Variants in NCAPH2 observed in about 807,000 individuals in gnomAD.
NCAPH2 encodes condensin-2 complex subunit H2.
In NCAPH2, 56 loss-of-function variants were observed where a neutral mutation model predicts 88.6. The observed-to-expected ratio is 0.63, with a 90% CI of 0.51 to 0.79. The LOEUF (loss-of-function observed/expected upper bound fraction) is 0.79, where lower values mean the gene tolerates loss of function less well. NCAPH2 is among the 30% of genes least tolerant of loss of function. The pLI, the probability that NCAPH2 is intolerant of heterozygous loss-of-function variation, is 0.00. For synonymous variants in NCAPH2, 378 were observed against 313.6 expected, an observed-to-expected ratio of 1.21 and a Z score of -2.17; for missense variants, 794 against 792.0, an observed-to-expected ratio of 1.00 and a Z score of -0.03.
At chr22:50,512,061 C>T (rs1347036615) in intron 1 of NCAPH2, among the ~76,000 whole-genome samples, 2 of 152,204 alleles carry the variant, frequency 1.3e-5, no homozygotes, top group African/African-American at 2.4e-5. Flanking sequence ...GCTGGGATTG[C>T]AGGTGTGAGC....
At chr22:50,516,719 A>C (rs1033444685) in intron 2 of NCAPH2, among the ~76,000 whole-genome samples, 171 bp downstream of exon 2, 5 of 152,170 alleles carry the variant, frequency 3.3e-5, no homozygotes, top group Non-Finnish European at 5.9e-5. Flanking sequence ...TTTTTAATTT[A>C]AAATCGCACA....
At chr22:50,516,852 T>C (rs2068938570) in intron 2 of NCAPH2, among the ~76,000 whole-genome samples, 1 of 152,210 alleles carries the variant, frequency 6.6e-6, no homozygotes, top group South Asian at 2.1e-4. Flanking sequence ...CCCCGTCCCC[T>C]ACTTGTGGGT....
Position 50,522,347 on chromosome 22 carries a change from C to T in NCAPH2, c.1238C>T (p.Ala413Val). The change falls in exon 15 of 20, where the codon GCT becomes GTT. Residue 413 changes from alanine (A) to valine (V), a missense_variant. Coordinates refer to ENST00000420993, the MANE Select transcript of NCAPH2 (RefSeq NM_152299.4). Reference protein sequence around the residue: ...TLRKLQRREVAEQWLRPAEED... With the variant: ...TLRKLQRREVVEQWLRPAEED... ...ACAGATGCTTTCTCTGGACAGGTGG[C>T]TGAGCAGTGGCTGCGGCCTGCAGAG... The T allele has an allele frequency of 6.2e-7, 1 of 1,604,914 alleles. No individual in the cohort carries two copies. Among genetic ancestry groups the T allele is most frequent in the Admixed American group, 1.7e-5 (1 of 59,602 alleles).
At position 50,521,757 on chromosome 22, in the gene NCAPH2, G is replaced by A; in HGVS notation, c.1017G>A (p.Val339=). Reference sequence around the variant, plus strand: ...TGCCCCCAGGTAGGCCTTACTCTGTGCCCCCCTGTGTGGAGGAGGCTCTGG... The same window carrying A: ...TGCCCCCAGGTAGGCCTTACTCTGTACCCCCCTGTGTGGAGGAGGCTCTGG... ...KPFKKGRPYS[V]PPCVEEALGQ... is the part of the protein sequence containing the mutation. Residue 339 remains valine, a synonymous_variant, in exon 12 of 20, where the codon GTG becomes GTA. Transcript: ENST00000420993. The A allele has an allele frequency of 6.2e-7, 1 of 1,613,924 alleles. No individual in the cohort carries two copies. Among genetic ancestry groups the A allele is most frequent in the Non-Finnish European group, 8.5e-7 (1 of 1,180,028 alleles).
chr22:50,519,145 T>C, intron 8 of NCAPH2, 45 bp from the exon 9 acceptor site: 1 of 1,516,572 alleles, frequency 6.6e-7, no homozygotes, highest in East Asian at 2.3e-5. Context: ...TGCCGTCTGG[T>C]CTCGGCACTC....
intron 1 of NCAPH2, among the ~76,000 whole-genome samples, chr22:50,513,296 C>A (rs912244809): frequency 5.9e-5 from 9 of 152,122 alleles, no homozygotes; most frequent in Non-Finnish European, 1.0e-4. Context: ...AGGTGGCTCA[C>A]GCCTGTGATC....
intron 1 of NCAPH2, among the ~76,000 whole-genome samples, chr22:50,515,460 G>A (rs571948800): frequency 5.9e-5 from 9 of 152,028 alleles, no homozygotes; most frequent in Non-Finnish European, 1.3e-4. Context: ...GCAGTGGCGC[G>A]ATCTCGGCTC....
intron 9 of NCAPH2, chr22:50,519,753 T>G: frequency 9.9e-7 from 1 of 1,007,742 alleles, no homozygotes; most frequent in South Asian, 4.5e-5. Context: ...ATCAACCTGA[T>G]GCATACAGAG....
chr22:50,519,585 C>T (rs958502340), intron 9 of NCAPH2: 29 of 1,248,580 alleles, frequency 2.3e-5, no homozygotes, highest in Middle Eastern at 6.2e-4. Context: ...GTCGAGCTCA[C>T]GGCAACCTGG....
At chr22:50,517,312 A>T in intron 2 of NCAPH2, 115 bp from the exon 3 acceptor site, 1 of 1,037,658 alleles carries the variant, frequency 9.6e-7, no homozygotes, top group Non-Finnish European at 1.5e-6. Context: ...GGTTTCTTGT[A>T]CTGGAGGTTT....
chr22:50,518,220 A>T lies in NCAPH2; in HGVS notation c.588A>T (p.Pro196=), dbSNP rs1418551124. The T allele has an allele frequency of 6.2e-7, 1 of 1,613,884 alleles. No individual in the cohort carries two copies. The highest frequency in any genetic ancestry group is 8.5e-7 in the Non-Finnish European group (1 of 1,180,024). The change falls in exon 7 of 20, where the codon CCA becomes CCT. Residue 196 remains proline, a synonymous_variant. Coordinates refer to ENST00000420993, the MANE Select transcript of NCAPH2 (RefSeq NM_152299.4). Reference sequence around the variant, plus strand: ...CCAGAGGGGCCTTCATGTTGGAGCCAGAGGGCATGTCCCCCATGGAACCAG... The same window carrying T: ...CCAGAGGGGCCTTCATGTTGGAGCCTGAGGGCATGTCCCCCATGGAACCAG... ...PHPRGAFMLE[P]EGMSPMEPAG...
At chr22:50,513,735 C>G (rs2068846450) in intron 1 of NCAPH2, among the ~76,000 whole-genome samples, 1 of 152,056 alleles carries the variant, frequency 6.6e-6, no homozygotes, top group Non-Finnish European at 1.5e-5. Flanking sequence ...GCACTCCAGC[C>G]TGGACAACAG....
chr22:50,511,771 C>T (rs1017556664), intron 1 of NCAPH2, among the ~76,000 whole-genome samples: 3 of 139,860 alleles, frequency 2.1e-5, no homozygotes, highest in Admixed American at 1.4e-4. Flanking sequence ...TCAGCCTCCT[C>T]AGTAGCTGGG....
In NCAPH2 at chr22:50,523,829, T is replaced by G. The variant is rs776712105; in HGVS notation, c.*454T>G. 1 of 1,614,082 alleles carries G rather than the reference T, an allele frequency of 6.2e-7. No homozygotes were observed. Among genetic ancestry groups the G allele is most frequent in the Admixed American group, 1.7e-5 (1 of 60,018 alleles). ...TGACTAGCCTGGGCAACCTGTTTGGTGGAGCCGGTCAGACCCAACAGTCTT... is the reference window on the plus strand; with the variant it reads ...TGACTAGCCTGGGCAACCTGTTTGGGGGAGCCGGTCAGACCCAACAGTCTT... On this transcript the variant is annotated 3_prime_UTR_variant, in exon 20 of 20. Transcript: ENST00000420993.
chr22:50,515,459 C>G (rs368210012), intron 1 of NCAPH2, among the ~76,000 whole-genome samples: 1 of 152,244 alleles, frequency 6.6e-6, no homozygotes. Context: ...TGCAGTGGCG[C>G]GATCTCGGCT....
chr22:50,513,004 G>A (rs1344101578), intron 1 of NCAPH2, among the ~76,000 whole-genome samples: 1 of 152,240 alleles, frequency 6.6e-6, no homozygotes, highest in Non-Finnish European at 1.5e-5. Flanking sequence ...GACTTCCTCT[G>A]TCATGGGAAG....
At position 50,516,505 on chromosome 22, in the gene NCAPH2, C is replaced by T. The variant is rs1349805311; in HGVS notation, c.167C>T (p.Ala56Val). 3 of 1,614,198 alleles carry T rather than the reference C, an allele frequency of 1.9e-6. No homozygotes were observed. The highest frequency in any genetic ancestry group is 1.1e-5 in the South Asian group (1 of 91,082). Reference sequence around the variant, plus strand: ...AAGACCACAATGAACTTCATTGAGGCAGCGTTGTTGATCCAGGGCTCTGCC... The same window carrying T: ...AAGACCACAATGAACTTCATTGAGGTAGCGTTGTTGATCCAGGGCTCTGCC... ...EGKTTMNFIEAALLIQGSACV... is the reference protein window; with the variant it reads ...EGKTTMNFIEVALLIQGSACV... The change falls in exon 2 of 20, where the codon GCA becomes GTA. Residue 56 changes from alanine (A) to valine (V), a missense_variant. Around this residue, in one of 2 missense-constraint regions of NCAPH2, gnomAD observed 59 missense variants for 95.7 expected, o/e 0.62. Coordinates refer to ENST00000420993, the MANE Select transcript of NCAPH2 (RefSeq NM_152299.4).
Position 50,516,473 on chromosome 22 carries a change from C to T in NCAPH2, c.135C>T (p.Asp45=), listed in dbSNP as rs28744512. The change falls in exon 2 of 20, where the codon GAC becomes GAT. Residue 45 remains aspartate, a synonymous_variant. Transcript: ENST00000420993. ...TGGATCAGATCTGCATTTCTTTTGA[C>T]GAAGGCAAGACCACAATGAACTTCA... ...EELDQICISF[D]EGKTTMNFIE... 5.9e-5 allele frequency: 95 copies of T among 1,614,164 alleles called. No individual in the cohort carries two copies. The highest frequency in any genetic ancestry group is 5.5e-4 in the African/African-American group (41 of 75,034).
At chr22:50,519,528 C>G in intron 9 of NCAPH2, 9 of 1,403,728 alleles carry the variant, frequency 6.4e-6, no homozygotes, top group East Asian at 2.6e-5. Flanking sequence ...CTGAGCAGAA[C>G]TGATGCTCCT....
Sources: allele counts gnomAD v4.1 joint callset (sites outside exome capture counted in the v4.1 genomes callset), GRCh38; gene constraint gnomAD v4.1.1; regional missense constraint gnomAD v4.1.1; transcripts MANE v1.5; gene names NCBI Gene and HGNC (gene_info 2026-07-23, HGNC 2026-07-21).